MELK: variants seen among roughly 807,000 people sequenced by gnomAD.
MELK encodes pEg3 kinase.
In MELK, 81 loss-of-function variants were observed where a neutral mutation model predicts 85.0. The ratio of observed to expected loss-of-function variants is 0.95; its 90% CI spans 0.80 to 1.15. The LOEUF (loss-of-function observed/expected upper bound fraction) is 1.15, where lower values mean the gene tolerates loss of function less well. Ranked by LOEUF, MELK falls within the 50% of genes most tolerant of loss-of-function variation. The pLI, the probability that MELK is intolerant of heterozygous loss-of-function variation, is 0.00. For synonymous variants in MELK, 252 were observed against 265.0 expected (o/e 0.95, Z 0.48); for missense variants, 754 against 777.5 (o/e 0.97, Z 0.36).
At chr9:36,674,768 T>G in intron 16 of MELK, 66 bp from the exon 17 acceptor site, 1 of 902,136 alleles carries the variant, frequency 1.1e-6, no homozygotes, top group African/African-American at 1.6e-5. Flanking sequence ...GAACTCTTGA[T>G]CTGGTGTGAT....
At chr9:36,589,012 G>A (rs886411266) in intron 3 of MELK, among the ~76,000 whole-genome samples, 1 of 152,164 alleles carries the variant, frequency 6.6e-6, no homozygotes, top group Non-Finnish European at 1.5e-5. Flanking sequence ...TTTTCTGGAT[G>A]TTGTACTGTT....
intron 8 of MELK, among the ~76,000 whole-genome samples, chr9:36,611,225 TTCTCCAAAGTGAACTA>T (rs1826025308): frequency 6.6e-6 from 1 of 152,170 alleles, no homozygotes; most frequent in Admixed American, 6.5e-5. Context: ...GCTGACAGAT[TTCTCCAAAGTGAACTA>T]GAATTGAATC....
intron 8 of MELK, among the ~76,000 whole-genome samples, chr9:36,628,406 G>A (rs1296247132): frequency 6.6e-6 from 1 of 151,938 alleles, no homozygotes; most frequent in Admixed American, 6.6e-5. Flanking sequence ...TTCTCAATTT[G>A]TTGTTAACTT....
chr9:36,664,312 G>A (rs1832130532), intron 13 of MELK, among the ~76,000 whole-genome samples: 1 of 152,118 alleles, frequency 6.6e-6, no homozygotes, highest in Non-Finnish European at 1.5e-5. Flanking sequence ...CATAGTGCTT[G>A]TGTCTTTTGG....
intron 1 of MELK, 43 bp from the exon 2 acceptor site, chr9:36,581,601 C>T (rs377030161): frequency 3.3e-4 from 313 of 947,356 alleles, no homozygotes; most frequent in Non-Finnish European, 3.3e-4. Context: ...GGAGATGATC[C>T]GGTATTATTT....
chr9:36,626,401 T>G (rs1827932928), intron 8 of MELK, among the ~76,000 whole-genome samples: 1 of 152,150 alleles, frequency 6.6e-6, no homozygotes, highest in Admixed American at 6.6e-5. Context: ...CCCATTTAGA[T>G]TAAGTAAACT....
intron 3 of MELK, among the ~76,000 whole-genome samples, chr9:36,584,938 CAA>C (rs1433404245): frequency 2.0e-5 from 3 of 152,090 alleles, no homozygotes; most frequent in South Asian, 4.1e-4. Flanking sequence ...AGGGTGGTCT[CAA>C]ACTCCTGGCC....
At chr9:36,624,862 C>T (rs1486001463) in intron 8 of MELK, among the ~76,000 whole-genome samples, 1 of 151,860 alleles carries the variant, frequency 6.6e-6, no homozygotes, top group Non-Finnish European at 1.5e-5. Flanking sequence ...GGTTATGGGC[C>T]TGTTATTTGT....
intron 16 of MELK, 73 bp downstream of exon 16, chr9:36,671,239 C>T: frequency 7.3e-7 from 1 of 1,374,418 alleles, no homozygotes; most frequent in Non-Finnish European, 9.6e-7. Context: ...TTTTAAGGTG[C>T]TGAATGAATT....
chr9:36,646,745 T>C (rs1367980815), intron 11 of MELK, among the ~76,000 whole-genome samples: 1 of 152,190 alleles, frequency 6.6e-6, no homozygotes, highest in East Asian at 1.9e-4. Context: ...GTGTAAAGAC[T>C]GAAGGCCTCA....
At chr9:36,602,487 CA>C (rs765623860) in intron 7 of MELK, among the ~76,000 whole-genome samples, 1,319 of 41,266 alleles carry the variant, frequency 0.032, 11 homozygotes, top group African/African-American at 0.1. Flanking sequence ...AAGACTGTCT[CA>C]AAAAAAAAAA....
At chr9:36,589,799 G>T in intron 4 of MELK, 147 bp downstream of exon 4, 2 of 587,624 alleles carry the variant, frequency 3.4e-6, no homozygotes, top group Non-Finnish European at 3.0e-6. Context: ...TTAAATAGAT[G>T]TATATAATAA....
intron 10 of MELK, among the ~76,000 whole-genome samples, chr9:36,633,876 T>A (rs114944576): frequency 0.034 from 5,229 of 152,244 alleles, 289 homozygotes; most frequent in African/African-American, 0.12. Flanking sequence ...CACACAGATA[T>A]GCAATAGGAA....
intron 8 of MELK, among the ~76,000 whole-genome samples, chr9:36,610,495 C>G (rs1825973888): frequency 6.6e-6 from 1 of 152,226 alleles, no homozygotes; most frequent in African/African-American, 2.4e-5. Flanking sequence ...TTTGGGGACC[C>G]ATGTGTGTCC....
intron 12 of MELK, among the ~76,000 whole-genome samples, chr9:36,653,054 A>G (rs1830867008): frequency 6.6e-6 from 1 of 152,206 alleles, no homozygotes; most frequent in Non-Finnish European, 1.5e-5. Context: ...TTTCATACTG[A>G]AATGGAGCAT....
chr9:36,592,530 G>A (rs1823734389), intron 4 of MELK, among the ~76,000 whole-genome samples: 1 of 151,960 alleles, frequency 6.6e-6, no homozygotes, highest in African/African-American at 2.4e-5. Context: ...GTCTCTTGTA[G>A]ATACCTACAT....
At chr9:36,644,840 A>C (rs1158527655) in intron 11 of MELK, among the ~76,000 whole-genome samples, 1 of 152,234 alleles carries the variant, frequency 6.6e-6, no homozygotes, top group Non-Finnish European at 1.5e-5. Flanking sequence ...TTGCCAATTT[A>C]ATCTATATCC....
At chr9:36,636,820 CTGTCTTTCTTGTCTTTCT>C (rs199934493) in intron 10 of MELK, among the ~76,000 whole-genome samples, 31 of 146,974 alleles carry the variant, frequency 2.1e-4, no homozygotes, top group African/African-American at 7.8e-4. Flanking sequence ...TTCTTTCTTT[CTGTCTTTCTTGTCTTTCT>C]TGTCTTTCTT....
intron 4 of MELK, among the ~76,000 whole-genome samples, chr9:36,593,907 C>T (rs777159131): frequency 2.0e-5 from 3 of 152,110 alleles, no homozygotes; most frequent in Admixed American, 6.6e-5. Flanking sequence ...GTCTCGAACT[C>T]CTGATCCACC....
Sources: gnomAD v4.1 joint callset for allele counts (sites outside exome capture counted in the v4.1 genomes callset) on GRCh38, gnomAD v4.1.1 for gene constraint, MANE v1.5 for transcripts, NCBI Gene and HGNC (gene_info 2026-07-23, HGNC 2026-07-21) for gene names.